Variants in ROBO3 observed in about 807,000 individuals in gnomAD.
The protein encoded by ROBO3 is roundabout guidance receptor 3.
In ROBO3, 97 loss-of-function variants were observed where a neutral mutation model predicts 160.5. That is an observed-to-expected ratio of 0.60 (90% confidence interval 0.51 to 0.72). The LOEUF (loss-of-function observed/expected upper bound fraction) is 0.72. Ranked by LOEUF, ROBO3 falls within the 30% of genes least tolerant of loss-of-function variation. The probability of loss-of-function intolerance (pLI) is 0.00; values close to 1 mark genes in which losing one functional copy is unlikely to be tolerated. For missense variants in ROBO3, 1,858 were observed against 1,846.5 expected, an observed-to-expected ratio of 1.01 and a Z score of -0.11; for synonymous variants, 780 against 746.2, an observed-to-expected ratio of 1.05 and a Z score of -0.74.
intron 6 of ROBO3, 59 bp from the exon 7 acceptor site, chr11:124,870,955 C>A: frequency 6.3e-7 from 1 of 1,581,346 alleles, no homozygotes; most frequent in Non-Finnish European, 8.6e-7. Context: ...CCTGTTCCTG[C>A]AGTCTCCTTT....
At chr11:124,875,472 G>A in intron 14 of ROBO3, 92 bp from the exon 15 acceptor site, 17 of 1,585,532 alleles carry the variant, frequency 1.1e-5, no homozygotes, top group Non-Finnish European at 1.3e-5. Context: ...AGTTCCCTAA[G>A]ATGTTAGAAC....
Position 124,878,758 on chromosome 11 carries a change from GC to G in ROBO3, c.3500del (p.Pro1167GlnfsTer72). ...CACCCTCACCTCCTGACCCTCCCCA[GC>G]CCCCAACTGACATGCCCCATCTCCA... is the stretch of plus-strand genomic sequence containing the variant. ...LTPSPPDPPQ[P>X]PTDMPHLHQM... On this transcript the variant is annotated frameshift_variant, in exon 23 of 28. Coordinates refer to ENST00000397801, the MANE Select transcript of ROBO3 (RefSeq NM_022370.4). LOFTEE classifies it high-confidence loss of function. This position sits in a 1 kb window ranked among gnomAD's most constrained non-coding sequence, Gnocchi z 4.3. 2 of 1,613,570 alleles carry G rather than the reference GC, an allele frequency of 1.2e-6. No homozygotes were observed. Among genetic ancestry groups the G allele is most frequent in the Non-Finnish European group, 1.7e-6 (2 of 1,179,842 alleles).
At position 124,872,173 on chromosome 11, in the gene ROBO3, G is replaced by C. The variant is rs747794440; in HGVS notation, c.1159-208G>C. Among the ~76,000 whole-genome samples, 1 of 152,248 alleles carries C rather than the reference G, an allele frequency of 6.6e-6. No homozygotes were observed. Among genetic ancestry groups the C allele is most frequent in the Non-Finnish European group, 1.5e-5 (1 of 68,048 alleles). On this transcript the variant is annotated intron_variant, in intron 7 of 27. Coordinates refer to ENST00000397801, the MANE Select transcript of ROBO3 (RefSeq NM_022370.4). The surrounding 1 kb of genome is among the most constrained non-coding windows in gnomAD (Gnocchi z 4.3). ...CCCCACTAGTAAGTCACGGAGCTGG[G>C]AAGTAGACTCTGAAATTGTCTAATA...
At position 124,881,299 on chromosome 11, in the gene ROBO3, T is replaced by G; in HGVS notation, c.*49T>G. 6.4e-7 allele frequency: 1 copy of G among 1,562,098 alleles called. No individual in the cohort carries two copies. Among genetic ancestry groups the G allele is most frequent in the Non-Finnish European group, 8.7e-7 (1 of 1,146,528 alleles). On this transcript the variant is annotated 3_prime_UTR_variant, in exon 28 of 28. Coordinates refer to ENST00000397801, the MANE Select transcript of ROBO3 (RefSeq NM_022370.4). ...TCATGAGTGCCACGGGGAAGGGGAG[T>G]AGGGATGTCTTTTCCCCCCCAGCAG...
intron 7 of ROBO3, among the ~76,000 whole-genome samples, chr11:124,871,547 C>T (rs144791784): frequency 2.0e-5 from 3 of 152,320 alleles, no homozygotes; most frequent in African/African-American, 7.2e-5. Context: ...AGTACTCGCT[C>T]TTCTATTTAT....
At position 124,879,767 on chromosome 11, in the gene ROBO3, GAA is replaced by G; in HGVS notation, c.3797-17_3797-16del. On this transcript the variant is annotated intron_variant, in intron 25 of 27. Coordinates refer to ENST00000397801, the MANE Select transcript of ROBO3 (RefSeq NM_022370.4). ...GACAGGAGTGGCAGGAGGCTCCGCTGAAAACAGCTCCCTCCCCAGACTTGCCC... is the reference window on the plus strand; with the variant it reads ...GACAGGAGTGGCAGGAGGCTCCGCTGAACAGCTCCCTCCCCAGACTTGCCC... 6.2e-7 allele frequency: 1 copy of G among 1,612,014 alleles called. No individual in the cohort carries two copies. Among genetic ancestry groups the G allele is most frequent in the Non-Finnish European group, 8.5e-7 (1 of 1,179,270 alleles).
chr11:124,878,169 C>T lies in ROBO3; in HGVS notation c.3181+38C>T. 5 of 1,573,262 alleles carry T rather than the reference C, an allele frequency of 3.2e-6. No individual in the cohort carries two copies. Among genetic ancestry groups the T allele is most frequent in the Non-Finnish European group, 4.3e-6 (5 of 1,156,728 alleles). On this transcript the variant is annotated intron_variant, in intron 21 of 27. Coordinates refer to ENST00000397801, the MANE Select transcript of ROBO3 (RefSeq NM_022370.4). This position sits in a 1 kb window ranked among gnomAD's most constrained non-coding sequence, Gnocchi z 4.3. Reference sequence around the variant, plus strand: ...CTCCTGAAACCCCGTTTAGCCCTGACCAGGGTATCCCCAAAGAGGATCCTC... The same window carrying T: ...CTCCTGAAACCCCGTTTAGCCCTGATCAGGGTATCCCCAAAGAGGATCCTC...
In ROBO3 at chr11:124,869,379, CTT is replaced by C; in HGVS notation, c.488-69_488-68del. 1 of 1,388,210 alleles carries C rather than the reference CTT, an allele frequency of 7.2e-7. No individual in the cohort carries two copies. Among genetic ancestry groups the C allele is most frequent in the Non-Finnish European group, 1.0e-6 (1 of 1,000,320 alleles). The allele number at this position is 1,388,210 out of a possible 1,614,324, so 86.0% of individuals were successfully genotyped here. ...CGATCAACCCCTTCCCAAGACAACA[CTT>C]TCCCTGTGTCCTCAGCCAGTTATGT... On this transcript the variant is annotated intron_variant, in intron 2 of 27. Transcript: ENST00000397801. This position sits in a 1 kb window ranked among gnomAD's most constrained non-coding sequence, Gnocchi z 4.2.
At position 124,878,374 on chromosome 11, in the gene ROBO3, C is replaced by T. The variant is rs1946459314; in HGVS notation, c.3258C>T (p.Pro1086=). The part of the protein sequence containing the change: ...MPSLNWPEAL[P]PPPPSCELSC... ...CTCTGAACTGGCCAGAAGCCCTGCCCCCACCTCCTCCTTCTTGTGAACTGA... is the reference window on the plus strand; with the variant it reads ...CTCTGAACTGGCCAGAAGCCCTGCCTCCACCTCCTCCTTCTTGTGAACTGA... The change falls in exon 22 of 28, where the codon CCC becomes CCT. Residue 1086 remains proline (P), a synonymous_variant. Coordinates refer to ENST00000397801, the MANE Select transcript of ROBO3 (RefSeq NM_022370.4). This position sits in a 1 kb window ranked among gnomAD's most constrained non-coding sequence, Gnocchi z 4.3. 4.3e-6 allele frequency: 7 copies of T among 1,613,834 alleles called. No individual in the cohort carries two copies. The South Asian group carries it at 4.4e-5, about 10-fold the overall frequency.
rs1946479720 is a variant in ROBO3, at chr11:124,878,884, G to T, written c.3533+88G>T. ...ACTGGGTGGGTGGATGGATGGATGG[G>T]TGGATGGATCTGGGGTACAGAGGTC... is the stretch of plus-strand genomic sequence containing the variant. On this transcript the variant is annotated intron_variant, in intron 23 of 27. Coordinates refer to ENST00000397801, the MANE Select transcript of ROBO3 (RefSeq NM_022370.4). This position sits in a 1 kb window ranked among gnomAD's most constrained non-coding sequence, Gnocchi z 4.3. 8.6e-7 allele frequency: 1 copy of T among 1,160,384 alleles called. No homozygotes were observed. Among genetic ancestry groups the T allele is most frequent in the Non-Finnish European group, 1.2e-6 (1 of 808,638 alleles). The allele number at this position is 1,160,384 out of a possible 1,614,324, so 71.9% of individuals were successfully genotyped here.
In ROBO3 at chr11:124,874,163, G is replaced by C; in HGVS notation, c.1878G>C (p.Leu626=). 1 of 1,614,008 alleles carries C rather than the reference G, an allele frequency of 6.2e-7. No individual in the cohort carries two copies. The highest frequency in any genetic ancestry group is 1.1e-5 in the South Asian group (1 of 91,082). ...VSGLQPNTIY[L]FLVRAVGAWG... ...GTCTGCAGCCCAATACCATCTACCT[G>C]TTTCTGGTTCGAGCAGTGGGAGCCT... The change falls in exon 12 of 28, where the codon CTG becomes CTC. Residue 626 remains leucine, a synonymous_variant. Transcript: ENST00000397801.
Position 124,872,645 on chromosome 11 carries a change from C to A in ROBO3, c.1330+93C>A. 1 of 1,296,568 alleles carries A rather than the reference C, an allele frequency of 7.7e-7. No homozygotes were observed. The highest frequency in any genetic ancestry group is 1.1e-6 in the Non-Finnish European group (1 of 944,900). 80.3% of individuals were successfully genotyped at this position (1,296,568 alleles called of 1,614,324 possible). On this transcript the variant is annotated intron_variant, in intron 8 of 27. Coordinates refer to ENST00000397801, the MANE Select transcript of ROBO3 (RefSeq NM_022370.4). This position sits in a 1 kb window ranked among gnomAD's most constrained non-coding sequence, Gnocchi z 4.3. Reference sequence around the variant, plus strand: ...TTCTCTTGGAGTCTATATACTATGTCTGCAAGAGGAGAGATGTGTTCCTGA... The same window carrying A: ...TTCTCTTGGAGTCTATATACTATGTATGCAAGAGGAGAGATGTGTTCCTGA...
At position 124,879,197 on chromosome 11, in the gene ROBO3, C is replaced by T. The variant is rs1024124975; in HGVS notation, c.3541C>T (p.Pro1181Ser). 8 of 1,551,042 alleles carry T rather than the reference C, an allele frequency of 5.2e-6. No individual in the cohort carries two copies. The highest frequency in any genetic ancestry group is 7.0e-6 in the Non-Finnish European group (8 of 1,146,842). ...GGCCTCCTGTCATTGCAGGAGGGTG[C>T]CCCTTGGGCCGAGTTCCCCTCTCAG... ...PHLHQMPRRV[P>S]LGPSSPLSVS... Residue 1181 changes from proline to serine, a missense_variant, in exon 24 of 28, where the codon CCC becomes TCC. Coordinates refer to ENST00000397801, the MANE Select transcript of ROBO3 (RefSeq NM_022370.4).
rs754329825 is a variant in ROBO3, at chr11:124,871,099, C to A, written c.1119C>A (p.Asn373Lys). The A allele has an allele frequency of 4.3e-6, 7 of 1,613,364 alleles. No homozygotes were observed. Among genetic ancestry groups the A allele is most frequent in the South Asian group, 1.1e-5 (1 of 91,048 alleles). ...SVAFQCETKG[N>K]PPPAIFWQKE... ...CTTTCCAGTGCGAGACCAAAGGAAACCCCCCACCTGCCATCTTCTGGCAGA... is the reference window on the plus strand; with the variant it reads ...CTTTCCAGTGCGAGACCAAAGGAAAACCCCCACCTGCCATCTTCTGGCAGA... Residue 373 changes from asparagine to lysine, a missense_variant, in exon 7 of 28, where the codon AAC becomes AAA. Coordinates refer to ENST00000397801, the MANE Select transcript of ROBO3 (RefSeq NM_022370.4).
chr11:124,874,057 CT>C lies in ROBO3; in HGVS notation c.1785-11del, dbSNP rs1304281089. On this transcript the variant is annotated splice_polypyrimidine_tract_variant and intron_variant, in intron 11 of 27. Transcript: ENST00000397801. ...CTGGCTTAGACAACCCTGTCATCTC[CT>C]TCTTGTTGTAGCCCAGCAGCTGGCA... is the stretch of plus-strand genomic sequence containing the variant. The C allele has an allele frequency of 6.2e-7, 1 of 1,613,732 alleles. No individual in the cohort carries two copies. The highest frequency in any genetic ancestry group is 8.5e-7 in the Non-Finnish European group (1 of 1,179,812).
Position 124,874,060 on chromosome 11 carries a change from CTTG to C in ROBO3, c.1785-5_1785-3del, listed in dbSNP as rs748205138. 2.2e-5 allele frequency: 35 copies of C among 1,613,680 alleles called. No individual in the cohort carries two copies. The highest frequency in any genetic ancestry group is 2.4e-5 in the Non-Finnish European group (28 of 1,179,858). The stretch of plus-strand genomic sequence containing the variant: ...GCTTAGACAACCCTGTCATCTCCTT[CTTG>C]TTGTAGCCCAGCAGCTGGCAACACA... On this transcript the variant is annotated splice_region_variant and splice_polypyrimidine_tract_variant and intron_variant, in intron 11 of 27. Transcript: ENST00000397801.
At position 124,865,520 on chromosome 11, in the gene ROBO3, T is replaced by TCAGACCCAGGGGC; in HGVS notation, c.-57_-56insAGACCCAGGGGCC. The TCAGACCCAGGGGC allele has an allele frequency of 1.3e-6, 2 of 1,564,922 alleles. No homozygotes were observed. The highest frequency in any genetic ancestry group is 1.7e-6 in the Non-Finnish European group (2 of 1,153,386). On this transcript the variant is annotated 5_prime_UTR_variant, in exon 1 of 28. Coordinates refer to ENST00000397801, the MANE Select transcript of ROBO3 (RefSeq NM_022370.4). This position sits in a 1 kb window ranked among gnomAD's most constrained non-coding sequence, Gnocchi z 5.5. ...GGGCTTACGGCTCCCAGCCCACGGG[T>TCAGACCCAGGGGC]CTCAGACCCAGGGGCTGGGCCCCCA... is the stretch of plus-strand genomic sequence containing the variant.
rs1003632851 is a variant in ROBO3, at chr11:124,876,508, G to A, written c.2779+48G>A. The A allele has an allele frequency of 1.2e-5, 16 of 1,339,664 alleles. No individual in the cohort carries two copies. The highest frequency in any genetic ancestry group is 1.4e-5 in the Non-Finnish European group (15 of 1,047,468). 83.0% of individuals were successfully genotyped at this position (1,339,664 alleles called of 1,614,324 possible). ...GACGGATCCGGGAGGGAGCCAGGCG[G>A]CCCATGGGGAGGGGCAGGGGCTTAG... On this transcript the variant is annotated intron_variant, in intron 17 of 27. Coordinates refer to ENST00000397801, the MANE Select transcript of ROBO3 (RefSeq NM_022370.4). The surrounding 1 kb of genome is among the most constrained non-coding windows in gnomAD (Gnocchi z 5.3).
At position 124,875,903 on chromosome 11, in the gene ROBO3, G is replaced by A; in HGVS notation, c.2422-51G>A. 5 of 1,559,234 alleles carry A rather than the reference G, an allele frequency of 3.2e-6. No homozygotes were observed. In the South Asian group the frequency reaches 5.9e-5, roughly 18 times the overall value. ...CATTTGGAGCCTTAAGTTTCCCGGTGAGGCTAAGAATCCCATTTCTGACTC... is the reference window on the plus strand; with the variant it reads ...CATTTGGAGCCTTAAGTTTCCCGGTAAGGCTAAGAATCCCATTTCTGACTC... On this transcript the variant is annotated intron_variant, in intron 15 of 27. Transcript: ENST00000397801.
Sources: gnomAD v4.1 joint callset for allele counts (sites outside exome capture counted in the v4.1 genomes callset) on GRCh38, gnomAD v4.1.1 for gene constraint, Gnocchi (gnomAD v3.1) non-coding constraint, MANE v1.5 for transcripts, NCBI Gene and HGNC (gene_info 2026-07-23, HGNC 2026-07-21) for gene names.